PCDH9: variants seen among roughly 807,000 people sequenced by gnomAD.
PCDH9 encodes the protein protocadherin-9.
A neutral mutation model predicts 70.6 loss-of-function variants in PCDH9; 24 were observed. The observed-to-expected ratio is 0.34, with a 90% CI of 0.25 to 0.48. The LOEUF (loss-of-function observed/expected upper bound fraction) is 0.48, where lower values mean the gene tolerates loss of function less well. Ranked by LOEUF, PCDH9 falls within the 20% of genes least tolerant of loss-of-function variation. The pLI, the probability that PCDH9 is intolerant of heterozygous loss-of-function variation, is 0.99. For synonymous variants in PCDH9, 562 were observed against 558.5 expected (o/e 1.01, Z -0.09); for missense variants, 1,281 against 1,503.6 (o/e 0.85, Z 2.45).
rs61269805 is a variant in PCDH9, at chr13:66,828,810, AAAT to A, written c.3138+74691_3138+74693del. 3.3e-3 allele frequency among the ~76,000 whole-genome samples: 489 copies of A among 148,654 alleles called. 3 individuals carry two copies. The highest frequency in any genetic ancestry group is 0.025 in the Middle Eastern group (7 of 282). On this transcript the variant is annotated intron_variant, in intron 3 of 4. Coordinates refer to ENST00000377865, the MANE Select transcript of PCDH9 (RefSeq NM_203487.3). ...TAAATTTTGTTGTAAGCCATACATAAAATAATAATAATAATAATAATAATAACA... is the reference window on the plus strand; with the variant it reads ...TAAATTTTGTTGTAAGCCATACATAAAATAATAATAATAATAATAATAACA...
At chr13:66,596,689 C>A (rs1161920370) in intron 4 of PCDH9, among the ~76,000 whole-genome samples, 1 of 151,318 alleles carries the variant, frequency 6.6e-6, no homozygotes, top group African/African-American at 2.4e-5. Flanking sequence ...GTCAAATGAT[C>A]AAAAATTTCA....
chr13:66,508,684 A>G (rs1959305244), intron 4 of PCDH9, among the ~76,000 whole-genome samples: 1 of 152,180 alleles, frequency 6.6e-6, no homozygotes, highest in Admixed American at 6.5e-5. Flanking sequence ...AACACCAAAT[A>G]CAGTTACTCA....
At chr13:67,207,789 G>T (rs117667533) in intron 2 of PCDH9, 1 of 152,084 alleles carries the variant, frequency 6.6e-6, no homozygotes, top group Non-Finnish European at 1.5e-5. Flanking sequence ...ATGTCAATGC[G>T]ATCAATAATT....
intron 3 of PCDH9, among the ~76,000 whole-genome samples, chr13:66,711,155 A>G (rs1209402155): frequency 6.6e-6 from 1 of 152,204 alleles, no homozygotes; most frequent in Non-Finnish European, 1.5e-5. Context: ...GAATTGACAG[A>G]AAATTTTGAT....
intron 4 of PCDH9, among the ~76,000 whole-genome samples, chr13:66,505,849 G>C (rs144082573): frequency 9.3e-4 from 142 of 152,158 alleles, no homozygotes; most frequent in Non-Finnish European, 1.5e-3. Context: ...GTATTGCTAT[G>C]CTGCCGAGGC....
chr13:66,894,141 T>C (rs1054282410), intron 3 of PCDH9, among the ~76,000 whole-genome samples: 1 of 152,192 alleles, frequency 6.6e-6, no homozygotes, highest in Non-Finnish European at 1.5e-5. Flanking sequence ...TCAAATGATC[T>C]AAGTTTATTC....
chr13:66,785,610 G>A (rs2080067280), intron 3 of PCDH9, among the ~76,000 whole-genome samples: 1 of 152,054 alleles, frequency 6.6e-6, no homozygotes, highest in African/African-American at 2.4e-5. Context: ...CATTCTATGA[G>A]TAAGTCATAG....
chr13:66,407,034 C>T (rs1008896627), intron 4 of PCDH9, among the ~76,000 whole-genome samples: 1 of 152,128 alleles, frequency 6.6e-6, no homozygotes, highest in Admixed American at 6.5e-5. Context: ...GGTTTATGTG[C>T]TTATCTCAGA....
chr13:66,682,562 G>A (rs1372978015), intron 3 of PCDH9, among the ~76,000 whole-genome samples: 1 of 152,052 alleles, frequency 6.6e-6, no homozygotes, highest in Non-Finnish European at 1.5e-5. Context: ...TGCACAAAAA[G>A]AGCATCCTCC....
chr13:66,898,891 GT>G (rs1190174555), intron 3 of PCDH9, among the ~76,000 whole-genome samples: 2 of 151,888 alleles, frequency 1.3e-5, no homozygotes, highest in East Asian at 3.9e-4. Context: ...TGTGTCCTTG[GT>G]TGGTGATGTA....
intron 3 of PCDH9, among the ~76,000 whole-genome samples, chr13:66,674,200 TA>T (rs1182626599): frequency 6.6e-6 from 1 of 152,130 alleles, no homozygotes; most frequent in African/African-American, 2.4e-5. Context: ...TCAATGGAGT[TA>T]ATTTTATCAG....
intron 4 of PCDH9, among the ~76,000 whole-genome samples, chr13:66,314,160 A>T (rs1319944511): frequency 6.6e-6 from 1 of 152,208 alleles, no homozygotes; most frequent in Non-Finnish European, 1.5e-5. Flanking sequence ...TCCTTAAGTG[A>T]TTCTGCTGAT....
intron 2 of PCDH9, among the ~76,000 whole-genome samples, chr13:66,934,689 T>C (rs1252276300): frequency 4.0e-5 from 6 of 149,644 alleles, no homozygotes; most frequent in Non-Finnish European, 5.9e-5. Context: ...TGATATTGTA[T>C]TCAATTTCCA....
At chr13:66,388,244 TAA>T (rs1473241462) in intron 4 of PCDH9, among the ~76,000 whole-genome samples, 1 of 152,192 alleles carries the variant, frequency 6.6e-6, no homozygotes, top group African/African-American at 2.4e-5. Flanking sequence ...TATGAAACTG[TAA>T]GATGTATGAC....
At chr13:66,954,694 C>A (rs2083239628) in intron 2 of PCDH9, among the ~76,000 whole-genome samples, 1 of 152,188 alleles carries the variant, frequency 6.6e-6, no homozygotes, top group Non-Finnish European at 1.5e-5. Context: ...AAACAGCATG[C>A]CCTCCCTCTC....
intron 3 of PCDH9, among the ~76,000 whole-genome samples, chr13:66,876,056 CG>C (rs1716095247): frequency 6.6e-6 from 1 of 152,104 alleles, no homozygotes; most frequent in African/African-American, 2.4e-5. Context: ...ATTGCAAACT[CG>C]GCTATCCATC....
intron 3 of PCDH9, among the ~76,000 whole-genome samples, chr13:66,900,084 G>T (rs1284949448): frequency 6.6e-6 from 1 of 151,832 alleles, no homozygotes; most frequent in African/African-American, 2.4e-5. Flanking sequence ...ATATGCATAG[G>T]TAATCTCTGG....
At position 66,584,575 on chromosome 13, in the gene PCDH9, G is replaced by A. The variant is rs78594957; in HGVS notation, c.3340+46635C>T. ...TCAAGATCAATGGATTCATTATGCC[G>A]CTATAACATTTATTTAAACCCAAAT... is the stretch of plus-strand genomic sequence containing the variant. On this transcript the variant is annotated intron_variant, in intron 4 of 4. Coordinates refer to ENST00000377865, the MANE Select transcript of PCDH9 (RefSeq NM_203487.3). Among the ~76,000 whole-genome samples the A allele has an allele frequency of 6.7e-3, 1,021 of 152,140 alleles. 17 individuals are homozygous for A. Among genetic ancestry groups the A allele is most frequent in the African/African-American group, 0.023 (948 of 41,502 alleles).
At chr13:66,734,487 C>A (rs1456480463) in intron 3 of PCDH9, among the ~76,000 whole-genome samples, 1 of 151,962 alleles carries the variant, frequency 6.6e-6, no homozygotes, top group Non-Finnish European at 1.5e-5. Flanking sequence ...TCTTGTGAAC[C>A]CTGCAAATTT....
Sources: allele counts gnomAD v4.1 joint callset (sites outside exome capture counted in the v4.1 genomes callset), GRCh38; gene constraint gnomAD v4.1.1; transcripts MANE v1.5; gene names NCBI Gene and HGNC (gene_info 2026-07-23, HGNC 2026-07-21).